The following SF3B1 variants were observed in gnomAD, a reference collection of about 807,000 sequenced individuals.
SF3B1 encodes pre-mRNA processing 10.
A neutral mutation model predicts 153.8 loss-of-function variants in SF3B1; 12 were observed. The observed-to-expected ratio is 0.08, with a 90% confidence interval of 0.05 to 0.13. The LOEUF is 0.13. Ranked by LOEUF, SF3B1 falls within the 10% of genes least tolerant of loss-of-function variation. The probability of loss-of-function intolerance (pLI) is 1.00; values close to 1 mark genes in which losing one functional copy is unlikely to be tolerated. For missense variants in SF3B1, 513 were observed against 1,606.1 expected (o/e 0.32, Z 11.63); for synonymous variants, 498 against 525.2 (o/e 0.95, Z 0.71).
At position 197,390,871 on chromosome 2, in the gene SF3B1, G is replaced by A. The variant is rs898175761; in HGVS notation, c.*1432C>T. 7 of 152,240 alleles carry A rather than the reference G, an allele frequency of 4.6e-5. No individual in the cohort carries two copies. The highest frequency in any genetic ancestry group is 1.7e-4 in the African/African-American group (7 of 41,458). The allele number at this position is 152,240 out of a possible 1,614,324, so 9.4% of individuals were successfully genotyped here. A position where few individuals can be genotyped will look rare whatever the true frequency, so the allele number is the denominator to read the frequency against. ...CCGCCTCAGCCTCCCAAAGTGCTGG[G>A]ATTACAGGCATGAGCCACCACACCC... On this transcript the variant is annotated 3_prime_UTR_variant, in exon 25 of 25. Coordinates refer to ENST00000335508, the MANE Select transcript of SF3B1 (RefSeq NM_012433.4).
rs1362984866 is a variant in SF3B1, at chr2:197,428,097, T to G, written c.29-4123A>C. ...GGGATGCCCAGGCAGGCAGATCACT[T>G]GAGTTCACAAGTTCAAGGCCAGCCT... is the stretch of plus-strand genomic sequence containing the variant. On this transcript the variant is annotated intron_variant, in intron 1 of 24. Transcript: ENST00000335508. Among the ~76,000 whole-genome samples the G allele has an allele frequency of 2.6e-5, 4 of 152,094 alleles. 1 individual carries two copies. The highest frequency in any genetic ancestry group is 9.7e-5 in the African/African-American group (4 of 41,402).
intron 20 of SF3B1, chr2:197,398,895 C>T (rs1312712341): frequency 6.0e-6 from 3 of 502,458 alleles, no homozygotes; most frequent in South Asian, 3.2e-5. Flanking sequence ...GCTTATGTTC[C>T]GGCCATACAC....
Position 197,401,974 on chromosome 2 carries a change from G to A in SF3B1, c.2223+11C>T, listed in dbSNP as rs2105984979. The A allele has an allele frequency of 6.2e-7, 1 of 1,607,954 alleles. No individual in the cohort carries two copies. The highest frequency in any genetic ancestry group is 8.5e-7 in the Non-Finnish European group (1 of 1,177,886). On this transcript the variant is annotated intron_variant, in intron 15 of 24. Transcript: ENST00000335508. This position sits in a 1 kb window ranked among gnomAD's most constrained non-coding sequence, Gnocchi z 4.2. ...AATGAAGATAAATCAAAAGGTAATT[G>A]GTGGATTTACCTTTCCTCTGTGTTG...
At position 197,416,890 on chromosome 2, in the gene SF3B1, C is replaced by T. The variant is rs2106005167; in HGVS notation, c.517G>A (p.Ala173Thr). 12 of 1,612,748 alleles carry T rather than the reference C, an allele frequency of 7.4e-6. No homozygotes were observed. Among genetic ancestry groups the T allele is most frequent in the Non-Finnish European group, 1.0e-5 (12 of 1,179,364 alleles). ...KEEREIRQQL[A>T]EKAKAGELKV... ...AGTTCTCCAGCTTTAGCTTTTTCTG[C>T]TAGCTGTTGCCTAATTTCTCGCTGA... Residue 173 changes from alanine to threonine, a missense_variant, in exon 6 of 25, where the codon GCA becomes ACA. Physicochemically the swap from Ala to Thr is moderately conservative, Grantham distance 58. Around this residue, in one of 21 missense-constraint regions of SF3B1, gnomAD observed 45 missense variants for 65.5 expected, o/e 0.69. Coordinates refer to ENST00000335508, the MANE Select transcript of SF3B1 (RefSeq NM_012433.4).
chr2:197,418,132 A>AG (rs1461811153), intron 5 of SF3B1, among the ~76,000 whole-genome samples: 1 of 149,216 alleles, frequency 6.7e-6, no homozygotes, highest in Admixed American at 6.8e-5. Context: ...GCTACTCGGG[A>AG]GGCTGAAGTG....
Position 197,393,199 on chromosome 2 carries a change from A to AG in SF3B1, c.3540-12dup, listed in dbSNP as rs1301591621. ...CTGTGTACAAGGTCTCTACAACGGA[A>AG]GGGAAAAAAGTCCTTTAAGATGCGG... On this transcript the variant is annotated splice_polypyrimidine_tract_variant and intron_variant, in intron 23 of 24. Transcript: ENST00000335508. The AG allele has an allele frequency of 7.5e-6, 12 of 1,591,306 alleles. No homozygotes were observed. Among genetic ancestry groups the AG allele is most frequent in the Admixed American group, 1.7e-5 (1 of 59,844 alleles).
chr2:197,412,252 C>G (rs1487903170), intron 6 of SF3B1, among the ~76,000 whole-genome samples: 1 of 151,920 alleles, frequency 6.6e-6, no homozygotes, highest in Non-Finnish European at 1.5e-5. Context: ...GAAATGAATT[C>G]TATTATCTAT....
rs2084924263 is a variant in SF3B1, at chr2:197,400,223, A to G, written c.2901+29T>C. Reference sequence around the variant, plus strand: ...CTATTTACATTAAACTATTTGGGGAAGAAGTAAGAATTTGATGCAAAAGTT... The same window carrying G: ...CTATTTACATTAAACTATTTGGGGAGGAAGTAAGAATTTGATGCAAAAGTT... On this transcript the variant is annotated intron_variant, in intron 19 of 24. Coordinates refer to ENST00000335508, the MANE Select transcript of SF3B1 (RefSeq NM_012433.4). The surrounding 1 kb of genome is among the most constrained non-coding windows in gnomAD (Gnocchi z 5.0). 3 of 1,611,888 alleles carry G rather than the reference A, an allele frequency of 1.9e-6. No individual in the cohort carries two copies. The East Asian group carries it at 6.7e-5, about 36-fold the overall frequency.
intron 1 of SF3B1, among the ~76,000 whole-genome samples, chr2:197,424,948 T>G (rs1453682772): frequency 6.6e-6 from 1 of 151,752 alleles, no homozygotes; most frequent in Non-Finnish European, 1.5e-5. Context: ...TCACCTGAAG[T>G]CAGGCATTCG....
intron 23 of SF3B1, among the ~76,000 whole-genome samples, chr2:197,393,673 G>T (rs1023250452): frequency 6.6e-6 from 1 of 151,746 alleles, no homozygotes; most frequent in African/African-American, 2.4e-5. Flanking sequence ...GGATGGTCTC[G>T]ATCTCTTGAC....
chr2:197,396,169 A>G lies in SF3B1; in HGVS notation c.3426T>C (p.Asn1142=). Residue 1142 remains asparagine, a synonymous_variant, in exon 23 of 25, where the codon AAT becomes AAC. Transcript: ENST00000335508. ...LMNEYRVPEL[N]VQNGVLKSLS... Reference sequence around the variant, plus strand: ...GCGATTTTAACACTCCATTTTGAACATTCAGTTCAGGAACTCTGTATTCAT... The same window carrying G: ...GCGATTTTAACACTCCATTTTGAACGTTCAGTTCAGGAACTCTGTATTCAT... The G allele has an allele frequency of 6.2e-7, 1 of 1,613,898 alleles. No individual in the cohort carries two copies. The highest frequency in any genetic ancestry group is 2.2e-5 in the East Asian group (1 of 44,840).
chr2:197,402,759 C>T lies in SF3B1; in HGVS notation c.1874G>A (p.Arg625His), dbSNP rs1057519961. The change falls in exon 14 of 25, where the codon CGT becomes CAT. Residue 625 changes from arginine to histidine, a missense_variant. Physicochemically the swap from Arg to His is conservative, Grantham distance 29. Transcript: ENST00000335508. The surrounding 1 kb of genome is among the most constrained non-coding windows in gnomAD (Gnocchi z 4.6). Reference sequence around the variant, plus strand: ...AGCAAAAGCTCTAGCTGTTGTGTTACGGACATACTCATCCATGTTATCTAT... The same window carrying T: ...AGCAAAAGCTCTAGCTGTTGTGTTATGGACATACTCATCCATGTTATCTAT... Reference protein sequence around the residue: ...PDIDNMDEYVRNTTARAFAVV... With the variant: ...PDIDNMDEYVHNTTARAFAVV... 6.2e-7 allele frequency: 1 copy of T among 1,614,012 alleles called. No homozygotes were observed.
At chr2:197,394,605 G>A (rs1271801168) in intron 23 of SF3B1, among the ~76,000 whole-genome samples, 1 of 152,016 alleles carries the variant, frequency 6.6e-6, no homozygotes. Context: ...TTTGCAATGG[G>A]TATGAAAATG....
rs926603729 is a variant in SF3B1, at chr2:197,390,032, G to C, written c.*2271C>G. The C allele has an allele frequency of 1.3e-5, 2 of 152,174 alleles. No homozygotes were observed. Among genetic ancestry groups the C allele is most frequent in the Non-Finnish European group, 1.5e-5 (1 of 68,036 alleles). 9.4% of individuals were successfully genotyped at this position (152,174 alleles called of 1,614,324 possible). On this transcript the variant is annotated 3_prime_UTR_variant, in exon 25 of 25. Coordinates refer to ENST00000335508, the MANE Select transcript of SF3B1 (RefSeq NM_012433.4). ...AAAAGAAAAGGTCTTTGAGAAGATA[G>C]GTAAAACTTCACATAGCGTCTTCCA...
chr2:197,414,647 A>T (rs562423053), intron 6 of SF3B1, among the ~76,000 whole-genome samples: 231 of 152,364 alleles, frequency 1.5e-3, no homozygotes, highest in African/African-American at 5.2e-3. Context: ...GGAATAGACT[A>T]GAACTACATA....
At chr2:197,411,164 G>C (rs1489086155) in intron 6 of SF3B1, among the ~76,000 whole-genome samples, 1 of 152,084 alleles carries the variant, frequency 6.6e-6, no homozygotes, top group Non-Finnish European at 1.5e-5. Context: ...CTGAGAGGTG[G>C]GTTTAAGTAA....
intron 4 of SF3B1, 41 bp from the exon 5 acceptor site, chr2:197,418,629 T>A (rs1383843821): frequency 2.5e-6 from 4 of 1,590,672 alleles, no homozygotes; most frequent in East Asian, 2.2e-5. Flanking sequence ...GTACAATAAA[T>A]AAAAAATAAG....
chr2:197,408,406 A>G lies in SF3B1; in HGVS notation c.1080T>C (p.Ile360=), dbSNP rs200394993. 6.2e-7 allele frequency: 1 copy of G among 1,614,144 alleles called. No homozygotes were observed. Among genetic ancestry groups the G allele is most frequent in the East Asian group, 2.2e-5 (1 of 44,880 alleles). ...TPVLTPGKTP[I]GTPAMNMATP... ...TAGCCATGTTCATGGCTGGTGTGCC[A>G]ATTGGTGTCTTTCCAGGGGTCAGAA... Residue 360 remains isoleucine (I), a synonymous_variant, in exon 8 of 25, where the codon ATT becomes ATC. Transcript: ENST00000335508.
chr2:197,412,970 CAAAAAAAAA>C (rs779446735), intron 6 of SF3B1, among the ~76,000 whole-genome samples: 2 of 45,486 alleles, frequency 4.4e-5, no homozygotes, highest in African/African-American at 1.3e-4. Context: ...ACTGTTGTCT[CAAAAAAAAA>C]AAAAAAAAAA....
Sources: gnomAD v4.1 joint callset for allele counts (sites outside exome capture counted in the v4.1 genomes callset) on GRCh38, gnomAD v4.1.1 for gene constraint, gnomAD v4.1.1 regional missense constraint, Gnocchi (gnomAD v3.1) non-coding constraint, MANE v1.5 for transcripts, NCBI Gene and HGNC (gene_info 2026-07-23, HGNC 2026-07-21) for gene names.